The following SYNDIG1 variants were observed in gnomAD, a reference collection of about 807,000 sequenced individuals.
SYNDIG1 encodes synapse differentiation inducing 1, also known as synapse differentiation-inducing gene protein 1.
In SYNDIG1, 9 loss-of-function variants were observed where a neutral mutation model predicts 19.4. The observed-to-expected ratio is 0.46, with a 90% CI of 0.28 to 0.81. The LOEUF (loss-of-function observed/expected upper bound fraction) is 0.81. Among genes scored for constraint, SYNDIG1 ranks in the 30% least tolerant of loss-of-function variants. SYNDIG1 has a pLI of 0.12. For synonymous variants in SYNDIG1, 141 were observed against 145.9 expected, an observed-to-expected ratio of 0.97 and a Z score of 0.24; for missense variants, 311 against 343.3, an observed-to-expected ratio of 0.91 and a Z score of 0.74.
intron 1 of SYNDIG1, among the ~76,000 whole-genome samples, chr20:24,509,420 A>G (rs2056685151): frequency 6.6e-6 from 1 of 152,222 alleles, no homozygotes; most frequent in South Asian, 2.1e-4. Context: ...CAAGGAGTTT[A>G]GAATCCCCTT....
At chr20:24,490,278 G>A (rs1038486730) in intron 1 of SYNDIG1, among the ~76,000 whole-genome samples, 2 of 152,204 alleles carry the variant, frequency 1.3e-5, no homozygotes, top group Non-Finnish European at 2.9e-5. Flanking sequence ...CGTCTTTGCG[G>A]CTTCTTGATT....
intron 3 of SYNDIG1, among the ~76,000 whole-genome samples, chr20:24,646,932 T>C (rs1292324257): frequency 6.6e-6 from 1 of 152,252 alleles, no homozygotes; most frequent in East Asian, 1.9e-4. Flanking sequence ...ATGCTCAGTC[T>C]TGAATTTTCC....
At chr20:24,604,024 T>C (rs2058716891) in intron 3 of SYNDIG1, among the ~76,000 whole-genome samples, 1 of 152,238 alleles carries the variant, frequency 6.6e-6, no homozygotes, top group South Asian at 2.1e-4. Flanking sequence ...CCTGTCCATC[T>C]TTCTAATCAT....
At chr20:24,649,468 C>T (rs965538467) in intron 3 of SYNDIG1, among the ~76,000 whole-genome samples, 5 of 152,134 alleles carry the variant, frequency 3.3e-5, no homozygotes, top group African/African-American at 7.2e-5. Flanking sequence ...CTCTTGCACA[C>T]GTGTATCTAT....
intron 1 of SYNDIG1, among the ~76,000 whole-genome samples, chr20:24,512,883 G>A (rs1275946234): frequency 6.6e-6 from 1 of 152,142 alleles, no homozygotes. Flanking sequence ...CCATAGTAGG[G>A]GCAGACTGAC....
At chr20:24,480,598 A>G (rs927493566) in intron 1 of SYNDIG1, among the ~76,000 whole-genome samples, 5 of 152,268 alleles carry the variant, frequency 3.3e-5, no homozygotes, top group Non-Finnish European at 7.3e-5. Flanking sequence ...TAGATTTGCC[A>G]TATGATCCAG....
At chr20:24,539,677 C>T (rs1327991414) in intron 1 of SYNDIG1, among the ~76,000 whole-genome samples, 1 of 152,210 alleles carries the variant, frequency 6.6e-6, no homozygotes, top group African/African-American at 2.4e-5. Context: ...GTAGTACTGA[C>T]ATCCTAGCAA....
Position 24,543,439 on chromosome 20 carries a change from C to T in SYNDIG1, c.342C>T (p.Thr114=). The T allele has an allele frequency of 6.2e-7, 1 of 1,613,692 alleles. No homozygotes were observed. The change falls in exon 2 of 4, where the codon ACC becomes ACT. Residue 114 remains threonine, a synonymous_variant. Coordinates refer to ENST00000376862, the MANE Select transcript of SYNDIG1 (RefSeq NM_024893.3). ...TGGCCGCCGACTGCTGCGAGACCAC[C>T]TTCATCGAGGACCGGTCGCCCACCA... The part of the protein sequence containing the change: ...DGVAADCCET[T]FIEDRSPTKD...
chr20:24,569,028 C>T (rs1189467254), intron 2 of SYNDIG1, among the ~76,000 whole-genome samples: 1 of 152,180 alleles, frequency 6.6e-6, no homozygotes, highest in Non-Finnish European at 1.5e-5. Context: ...ATTGTCCCAC[C>T]CTCTGTGAGG....
chr20:24,635,529 G>T lies in SYNDIG1; in HGVS notation c.619-29817G>T, dbSNP rs901203823. On this transcript the variant is annotated intron_variant, in intron 3 of 3. Coordinates refer to ENST00000376862, the MANE Select transcript of SYNDIG1 (RefSeq NM_024893.3). ...CCCAGCGGACACCAAGGGTCTCTGT[G>T]CTGGTTGGGTCTTGCCTCCAGTTCT... Among the ~76,000 whole-genome samples, 3 of 152,200 alleles carry T rather than the reference G, an allele frequency of 2.0e-5. No homozygotes were observed. The East Asian group carries it at 5.8e-4, about 29-fold the overall frequency.
chr20:24,509,297 C>G (rs1230503572), intron 1 of SYNDIG1, among the ~76,000 whole-genome samples: 1 of 152,182 alleles, frequency 6.6e-6, no homozygotes, highest in Non-Finnish European at 1.5e-5. Flanking sequence ...TTTTCTCTGT[C>G]TACTGGCTTA....
chr20:24,625,990 GGGCTGGCCCCCCCACCTCCCTCCC>G (rs2059120587), intron 3 of SYNDIG1, among the ~76,000 whole-genome samples: 1 of 150,460 alleles, frequency 6.6e-6, no homozygotes. Context: ...GCCAGGCGGG[GGGCTGGCCCCCCCACCTCCCTCCC>G]GGACGGGGTG....
At chr20:24,618,455 G>T (rs1183168836) in intron 3 of SYNDIG1, among the ~76,000 whole-genome samples, 1 of 152,082 alleles carries the variant, frequency 6.6e-6, no homozygotes, top group Non-Finnish European at 1.5e-5. Context: ...GGGCACCACG[G>T]GGCTCAGCCT....
intron 1 of SYNDIG1, among the ~76,000 whole-genome samples, chr20:24,514,925 C>G (rs1394039562): frequency 1.3e-5 from 2 of 152,214 alleles, no homozygotes; most frequent in African/African-American, 4.8e-5. Flanking sequence ...AACAAACTGT[C>G]TCTCAGACCA....
rs1750674790 is a variant in SYNDIG1, at chr20:24,602,137, C to A, written c.618+17144C>A. Among the ~76,000 whole-genome samples, 30 of 152,158 alleles carry A rather than the reference C, an allele frequency of 2.0e-4. 1 individual carries two copies. The highest frequency in any genetic ancestry group is 2.0e-3 in the Admixed American group (30 of 15,274). On this transcript the variant is annotated intron_variant, in intron 3 of 3. Transcript: ENST00000376862. The stretch of plus-strand genomic sequence containing the variant: ...ATAGTAAGCAGAGGTATTTTATAGT[C>A]TATGCCTGATCATTATGATACCTGG...
intron 2 of SYNDIG1, among the ~76,000 whole-genome samples, chr20:24,579,606 G>A (rs189908659): frequency 2.1e-4 from 32 of 152,362 alleles, no homozygotes; most frequent in East Asian, 1.2e-3. Flanking sequence ...CATGGGACAC[G>A]TGTGGCTCCT....
chr20:24,584,904 C>A lies in SYNDIG1; in HGVS notation c.529C>A (p.Pro177Thr). Reference protein sequence around the residue: ...TESEDNFLMMPPRDHLGLSVF... With the variant: ...TESEDNFLMMTPRDHLGLSVF... ...GAGTGAGGACAATTTCCTCATGATG[C>A]CCCCGCGGGACCACCTGGGCCTCAG... Residue 177 changes from proline to threonine, a missense_variant, in exon 3 of 4, where the codon CCC becomes ACC. By Grantham distance (38) the Pro-to-Thr change is conservative. Coordinates refer to ENST00000376862, the MANE Select transcript of SYNDIG1 (RefSeq NM_024893.3). 1 of 1,614,120 alleles carries A rather than the reference C, an allele frequency of 6.2e-7. No individual in the cohort carries two copies. The highest frequency in any genetic ancestry group is 8.5e-7 in the Non-Finnish European group (1 of 1,180,022).
intron 1 of SYNDIG1, among the ~76,000 whole-genome samples, chr20:24,534,769 G>T (rs2057329577): frequency 6.6e-6 from 1 of 152,198 alleles, no homozygotes; most frequent in Non-Finnish European, 1.5e-5. Flanking sequence ...CACACGGTAG[G>T]TACCCATTAA....
At chr20:24,539,763 TTTTG>T (rs140828302) in intron 1 of SYNDIG1, among the ~76,000 whole-genome samples, 107,563 of 150,246 alleles carry the variant, frequency 0.72, 38,675 homozygotes, top group African/African-American at 0.78. Context: ...TTCAGCAGTG[TTTTG>T]TTTGTTTGTT....
Sources: gnomAD v4.1 joint callset for allele counts (sites outside exome capture counted in the v4.1 genomes callset) on GRCh38, gnomAD v4.1.1 for gene constraint, MANE v1.5 for transcripts, NCBI Gene and HGNC (gene_info 2026-07-23, HGNC 2026-07-21) for gene names.